Variants in AKIRIN2 observed in about 807,000 individuals in gnomAD.
AKIRIN2 encodes the protein akirin 2.
AKIRIN2 carries 6 observed loss-of-function variants against 29.3 expected under a neutral mutation model. The ratio of observed to expected loss-of-function variants is 0.20; its 90% CI spans 0.11 to 0.40. The LOEUF (loss-of-function observed/expected upper bound fraction) is 0.40. AKIRIN2 is among the 10% of genes least tolerant of loss of function. The pLI is 1.00. For synonymous variants in AKIRIN2, 128 were observed against 117.5 expected, an observed-to-expected ratio of 1.09 and a Z score of -0.58; for missense variants, 210 against 276.1, an observed-to-expected ratio of 0.76 and a Z score of 1.70.
chr6:87,687,420 C>T (rs1272686963), intron 1 of AKIRIN2, among the ~76,000 whole-genome samples: 2 of 90,200 alleles, frequency 2.2e-5, no homozygotes, highest in Non-Finnish European at 4.1e-5. Flanking sequence ...GCCTGGGCAA[C>T]AAGAGCAAAA....
At chr6:87,676,617 AC>A (rs1420198224) in intron 3 of AKIRIN2, among the ~76,000 whole-genome samples, 3 of 150,312 alleles carry the variant, frequency 2.0e-5, no homozygotes, top group African/African-American at 7.4e-5. Context: ...ACACACACAC[AC>A]ACACACACAA....
intron 1 of AKIRIN2, chr6:87,700,950 C>A: frequency 8.3e-6 from 1 of 120,114 alleles, no homozygotes; most frequent in African/African-American, 3.2e-5. Flanking sequence ...CCCCCACCCC[C>A]ACTATACTAA....
intron 1 of AKIRIN2, among the ~76,000 whole-genome samples, chr6:87,700,165 A>C (rs764113258): frequency 5.9e-5 from 9 of 152,250 alleles, no homozygotes; most frequent in Admixed American, 2.0e-4. Flanking sequence ...TACAACTCTA[A>C]AACAGTATGT....
chr6:87,693,920 C>A (rs946081456), intron 1 of AKIRIN2, among the ~76,000 whole-genome samples: 5 of 152,046 alleles, frequency 3.3e-5, no homozygotes, highest in Non-Finnish European at 5.9e-5. Flanking sequence ...TCAAGTATAC[C>A]ACTTAGAAAA....
Position 87,681,033 on chromosome 6 carries a change from GTATTGT to G in AKIRIN2, c.379+581_379+586del, listed in dbSNP as rs1199422420. Among the ~76,000 whole-genome samples, 5 of 151,614 alleles carry G rather than the reference GTATTGT, an allele frequency of 3.3e-5. No individual in the cohort carries two copies. In the South Asian group the frequency reaches 6.2e-4, roughly 19 times the overall value. On this transcript the variant is annotated intron_variant, in intron 2 of 4. Coordinates refer to ENST00000257787, the MANE Select transcript of AKIRIN2 (RefSeq NM_018064.4). ...TCTATACCTAACAAAGGAGCATACA[GTATTGT>G]TATTATTTTTTTTTTTGAGACAAAG...
chr6:87,695,152 G>C (rs1048418692), intron 1 of AKIRIN2, among the ~76,000 whole-genome samples: 1 of 151,944 alleles, frequency 6.6e-6, no homozygotes, highest in East Asian at 1.9e-4. Context: ...TTATACATGG[G>C]GCTACTTAAA....
chr6:87,700,139 T>C (rs1319080519), intron 1 of AKIRIN2, among the ~76,000 whole-genome samples: 1 of 152,070 alleles, frequency 6.6e-6, no homozygotes, highest in Admixed American at 6.5e-5. Flanking sequence ...ATCTAAGAAT[T>C]TCCGTAAAAA....
chr6:87,681,135 T>C (rs1379672873), intron 2 of AKIRIN2, among the ~76,000 whole-genome samples: 1 of 152,114 alleles, frequency 6.6e-6, no homozygotes, highest in Non-Finnish European at 1.5e-5. Context: ...CCTCCTGGGT[T>C]CAAGTGATTC....
chr6:87,677,810 C>A lies in AKIRIN2; in HGVS notation c.529+8G>T, dbSNP rs1299969043. ...TTCCTCAGAAACTCTAATAAACACA[C>A]CTCATACCTGCAAGTTTTGTGTTCA... On this transcript the variant is annotated splice_region_variant and intron_variant, in intron 3 of 4. Coordinates refer to ENST00000257787, the MANE Select transcript of AKIRIN2 (RefSeq NM_018064.4). 1.9e-6 allele frequency: 3 copies of A among 1,613,016 alleles called. No homozygotes were observed. Among genetic ancestry groups the A allele is most frequent in the Admixed American group, 1.7e-5 (1 of 59,956 alleles).
At chr6:87,684,724 G>A (rs756199950) in intron 1 of AKIRIN2, among the ~76,000 whole-genome samples, 2 of 152,148 alleles carry the variant, frequency 1.3e-5, no homozygotes, top group African/African-American at 2.4e-5. Flanking sequence ...TTTTATTGGT[G>A]AGTATTCCAT....
At chr6:87,701,054 G>C (rs1306005034) in intron 1 of AKIRIN2, among the ~76,000 whole-genome samples, 2 of 151,540 alleles carry the variant, frequency 1.3e-5, no homozygotes, top group East Asian at 3.9e-4. Flanking sequence ...ATTACGGCAA[G>C]CACACATCCA....
intron 1 of AKIRIN2, among the ~76,000 whole-genome samples, chr6:87,700,295 T>A (rs1652280802): frequency 2.0e-5 from 3 of 151,876 alleles, no homozygotes. Flanking sequence ...AAAGTCAGTT[T>A]CAAATGGAAG....
intron 1 of AKIRIN2, among the ~76,000 whole-genome samples, chr6:87,696,949 T>C (rs1461706620): frequency 6.6e-6 from 1 of 151,590 alleles, no homozygotes; most frequent in Admixed American, 6.6e-5. Flanking sequence ...GAGGTTGCAG[T>C]GAGCTGAGAT....
chr6:87,676,527 C>T (rs187548518), intron 3 of AKIRIN2, among the ~76,000 whole-genome samples: 290 of 147,982 alleles, frequency 2.0e-3, no homozygotes, highest in African/African-American at 6.8e-3. Flanking sequence ...GACGCCGAGG[C>T]GGGCACATCA....
At chr6:87,695,568 G>T (rs1450519433) in intron 1 of AKIRIN2, among the ~76,000 whole-genome samples, 1 of 152,130 alleles carries the variant, frequency 6.6e-6, no homozygotes, top group South Asian at 2.1e-4. Flanking sequence ...AACGTTCTTT[G>T]AATCAACAGT....
chr6:87,681,334 G>C (rs1038213688), intron 2 of AKIRIN2, among the ~76,000 whole-genome samples: 1 of 152,160 alleles, frequency 6.6e-6, no homozygotes, highest in African/African-American at 2.4e-5. Context: ...GAGCCACCGT[G>C]CCTGGCCTAT....
chr6:87,683,237 G>A (rs1475544095), intron 1 of AKIRIN2, among the ~76,000 whole-genome samples: 1 of 152,320 alleles, frequency 6.6e-6, no homozygotes, highest in South Asian at 2.1e-4. Context: ...ACACGAATGT[G>A]CAGTTTAAGT....
At chr6:87,681,821 T>C in intron 1 of AKIRIN2, 58 bp from the exon 2 acceptor site, 1 of 1,405,616 alleles carries the variant, frequency 7.1e-7, no homozygotes, top group Non-Finnish European at 9.6e-7. Flanking sequence ...AAAAAGAGGT[T>C]GGCTTTCCAA....
At chr6:87,685,034 T>C (rs1244077345) in intron 1 of AKIRIN2, among the ~76,000 whole-genome samples, 1 of 152,180 alleles carries the variant, frequency 6.6e-6, no homozygotes, top group African/African-American at 2.4e-5. Context: ...TGCCAACACT[T>C]GATATTGTCA....
Sources: allele counts gnomAD v4.1 joint callset (sites outside exome capture counted in the v4.1 genomes callset), GRCh38; gene constraint gnomAD v4.1.1; transcripts MANE v1.5; gene names NCBI Gene and HGNC (gene_info 2026-07-23, HGNC 2026-07-21).